RTL4: variants seen among roughly 807,000 people sequenced by gnomAD.
RTL4 encodes the protein retrotransposon Gag like 4.
RTL4 carries 4 observed loss-of-function variants against 5.3 expected under a neutral mutation model. The ratio of observed to expected loss-of-function variants is 0.75; its 90% confidence interval spans 0.37 to 1.72. The LOEUF is 1.72. RTL4 is among the 40% of genes most tolerant of loss of function. The pLI is 0.04. For missense variants in RTL4, 260 were observed against 227.1 expected, an observed-to-expected ratio of 1.14 and a Z score of -0.93; for synonymous variants, 98 against 87.3, an observed-to-expected ratio of 1.12 and a Z score of -0.68.
At chrX:112,358,184 T>A in the RTL4 span, among the ~76,000 whole-genome samples, 1 of 110,936 alleles carries the variant, frequency 9.0e-6, no homozygotes, top group Admixed American at 9.6e-5. Flanking sequence ...GACTGCAGAT[T>A]CAACTTCTGG....
chrX:112,222,450 G>A, the RTL4 span, among the ~76,000 whole-genome samples: 1 of 111,616 alleles, frequency 9.0e-6, no homozygotes, highest in South Asian at 3.9e-4. Context: ...GGACACTCTG[G>A]CTCATGCCTG....
At chrX:112,113,890 C>T in the RTL4 span, among the ~76,000 whole-genome samples, 1 of 111,747 alleles carries the variant, frequency 8.9e-6, no homozygotes, top group Non-Finnish European at 1.9e-5. Flanking sequence ...AGGCTGCAGC[C>T]TTTCTCTGAT....
the RTL4 span, among the ~76,000 whole-genome samples, chrX:112,267,426 T>C: frequency 3.6e-5 from 4 of 112,012 alleles, no homozygotes; most frequent in Non-Finnish European, 7.5e-5. Context: ...CTGGTTCTTC[T>C]CCTATCTTAC....
At chrX:112,445,161 T>C in the RTL4 span, among the ~76,000 whole-genome samples, 2 of 89,667 alleles carry the variant, frequency 2.2e-5, no homozygotes, top group African/African-American at 9.8e-5. Flanking sequence ...ATGGTGACTG[T>C]TTCCTCACCT....
chrX:112,452,171 A>G (rs7061126), upstream of RTL4, among the ~76,000 whole-genome samples: 4,143 of 104,578 alleles, frequency 0.04, 227 homozygotes, highest in African/African-American at 0.14. Flanking sequence ...GCTCACTGCA[A>G]CCTCTGCCTG....
the RTL4 span, among the ~76,000 whole-genome samples, chrX:112,263,528 TG>T: frequency 1.8e-5 from 2 of 112,119 alleles, no homozygotes; most frequent in African/African-American, 6.5e-5. Flanking sequence ...AGCTCAACTT[TG>T]TTAGATTGCA....
the RTL4 span, among the ~76,000 whole-genome samples, chrX:112,275,127 C>T: frequency 9.0e-6 from 1 of 110,813 alleles, no homozygotes; most frequent in East Asian, 2.8e-4. Flanking sequence ...CCTCATTGAG[C>T]CATTTTCTGC....
At chrX:112,409,089 AACTG>A in the RTL4 span, among the ~76,000 whole-genome samples, 2 of 112,651 alleles carry the variant, frequency 1.8e-5, no homozygotes, top group African/African-American at 3.2e-5. Context: ...GAAGTTATAA[AACTG>A]ACTGTTAATT....
the RTL4 span, among the ~76,000 whole-genome samples, chrX:112,125,628 G>C: frequency 9.0e-6 from 1 of 111,693 alleles, no homozygotes; most frequent in Non-Finnish European, 1.9e-5. Context: ...TTAGACCCCT[G>C]CCCGCCCATG....
At chrX:112,126,238 G>A in the RTL4 span, among the ~76,000 whole-genome samples, 34 of 111,718 alleles carry the variant, frequency 3.0e-4, no homozygotes, top group Non-Finnish European at 5.1e-4. Flanking sequence ...GACAAAACTC[G>A]TCAAGAAATG....
chrX:112,277,390 C>T, the RTL4 span, among the ~76,000 whole-genome samples: 1 of 111,630 alleles, frequency 9.0e-6, no homozygotes, highest in East Asian at 2.8e-4. Flanking sequence ...CTCTGAACTA[C>T]AATCAAATGA....
chrX:112,128,553 G>A, the RTL4 span, among the ~76,000 whole-genome samples: 1 of 107,780 alleles, frequency 9.3e-6, no homozygotes, highest in Non-Finnish European at 1.9e-5. Flanking sequence ...CAGCTACTTG[G>A]GAGACTGAGG....
chrX:112,339,703 G>GT, the RTL4 span, among the ~76,000 whole-genome samples: 1 of 112,606 alleles, frequency 8.9e-6, no homozygotes, highest in Non-Finnish European at 1.9e-5. Flanking sequence ...GTGCATTTAA[G>GT]TTTTTTTGTG....
At chrX:112,257,229 T>G in the RTL4 span, among the ~76,000 whole-genome samples, 1 of 111,699 alleles carries the variant, frequency 9.0e-6, no homozygotes, top group Non-Finnish European at 1.9e-5. Context: ...TTTCATCAGT[T>G]ATTTTTCTAT....
At chrX:112,411,718 A>G in the RTL4 span, among the ~76,000 whole-genome samples, 5 of 111,411 alleles carry the variant, frequency 4.5e-5, no homozygotes, top group African/African-American at 1.6e-4. Context: ...ATAATAAAAG[A>G]CATATATGAT....
chrX:112,179,466 C>T, the RTL4 span, among the ~76,000 whole-genome samples: 14 of 111,462 alleles, frequency 1.3e-4, no homozygotes, highest in East Asian at 8.5e-4. Flanking sequence ...TATGTTGGGT[C>T]GGTTCACCAA....
the RTL4 span, among the ~76,000 whole-genome samples, chrX:112,177,844 A>G: frequency 1.8e-5 from 2 of 111,206 alleles, no homozygotes; most frequent in East Asian, 5.6e-4. Flanking sequence ...TAAATATTTC[A>G]GACTTTATGG....
chrX:112,124,733 C>T, the RTL4 span, among the ~76,000 whole-genome samples: 3 of 110,331 alleles, frequency 2.7e-5, 1 homozygote, highest in Admixed American at 2.9e-4. Context: ...CACAGCAAAC[C>T]ACCATGGCAC....
the RTL4 span, among the ~76,000 whole-genome samples, chrX:112,138,539 A>T: frequency 9.0e-6 from 1 of 111,376 alleles, no homozygotes; most frequent in Non-Finnish European, 1.9e-5. Flanking sequence ...GTATACATTC[A>T]ATCTGTACAG....
Sources: allele counts gnomAD v4.1 joint callset (sites outside exome capture counted in the v4.1 genomes callset), GRCh38; gene constraint gnomAD v4.1.1; transcripts MANE v1.5; gene names NCBI Gene and HGNC (gene_info 2026-07-23, HGNC 2026-07-21).